AGO3: variants seen among roughly 807,000 people sequenced by gnomAD.
The protein encoded by AGO3 is argonaute RISC catalytic component 3.
A neutral mutation model predicts 105.5 loss-of-function variants in AGO3; 16 were observed. That is an observed-to-expected ratio of 0.15 (90% CI 0.10 to 0.23). The LOEUF (loss-of-function observed/expected upper bound fraction) is 0.23. Among genes scored for constraint, AGO3 ranks in the 10% least tolerant of loss-of-function variants. The pLI is 1.00. For synonymous variants in AGO3, 340 were observed against 367.3 expected, an observed-to-expected ratio of 0.93 and a Z score of 0.85; for missense variants, 534 against 1,088.0, an observed-to-expected ratio of 0.49 and a Z score of 7.16.
chr1:35,949,069 G>A (rs1417230899), intron 2 of AGO3, among the ~76,000 whole-genome samples: 1 of 151,888 alleles, frequency 6.6e-6, no homozygotes, highest in African/African-American at 2.4e-5. Flanking sequence ...TCAGCCTCCC[G>A]AGTAGCTGGA....
chr1:35,931,384 G>T lies in AGO3; in HGVS notation c.-43G>T. On this transcript the variant is annotated 5_prime_UTR_variant, in exon 1 of 19. Coordinates refer to ENST00000373191, the MANE Select transcript of AGO3 (RefSeq NM_024852.4). The stretch of plus-strand genomic sequence containing the variant: ...CCGGGCCGCCTCCTTGCCGCCAGTG[G>T]CGGGCTCCGTTCTCCCTCGAAGCAC... 7.2e-7 allele frequency: 1 copy of T among 1,394,200 alleles called. No homozygotes were observed. The allele number at this position is 1,394,200 out of a possible 1,614,324, so 86.4% of individuals were successfully genotyped here.
chr1:36,000,479 G>T (rs1252985439), intron 5 of AGO3, among the ~76,000 whole-genome samples: 1 of 152,126 alleles, frequency 6.6e-6, no homozygotes, highest in African/African-American at 2.4e-5. Flanking sequence ...TAGCATGTTT[G>T]TTTAGTAGTT....
At chr1:36,036,101 C>A in intron 13 of AGO3, 76 bp from the exon 14 acceptor site, 1 of 1,354,850 alleles carries the variant, frequency 7.4e-7, no homozygotes, top group Non-Finnish European at 1.0e-6. Flanking sequence ...CTTGAAGTTA[C>A]GTTGCAATTG....
intron 17 of AGO3, among the ~76,000 whole-genome samples, chr1:36,044,087 A>G (rs1216019124): frequency 1.3e-5 from 2 of 152,196 alleles, no homozygotes; most frequent in Non-Finnish European, 2.9e-5. Flanking sequence ...GCTCACGCCT[A>G]TAATTCCAAC....
intron 17 of AGO3, among the ~76,000 whole-genome samples, chr1:36,045,768 C>T (rs1249668313): frequency 6.6e-6 from 1 of 152,138 alleles, no homozygotes; most frequent in Non-Finnish European, 1.5e-5. Flanking sequence ...GTCTTGAACT[C>T]CTGACCTCCG....
At chr1:35,984,733 CAAAG>C (rs1264445198) in intron 5 of AGO3, among the ~76,000 whole-genome samples, 1 of 152,062 alleles carries the variant, frequency 6.6e-6, no homozygotes, top group Admixed American at 6.6e-5. Context: ...TCATATTAAA[CAAAG>C]AATGAATAAA....
chr1:35,984,815 G>A (rs1569613859), intron 5 of AGO3, among the ~76,000 whole-genome samples: 1 of 152,276 alleles, frequency 6.6e-6, no homozygotes, highest in East Asian at 1.9e-4. Flanking sequence ...ATTTGTAGTA[G>A]TATGTGATAT....
chr1:36,002,317 C>A (rs1569718989), intron 5 of AGO3, among the ~76,000 whole-genome samples: 1 of 144,004 alleles, frequency 6.9e-6, no homozygotes, highest in Non-Finnish European at 1.5e-5. Flanking sequence ...TGTACCCAGC[C>A]AAGATAATTT....
intron 5 of AGO3, among the ~76,000 whole-genome samples, chr1:35,995,364 C>T (rs1251681784): frequency 1.3e-5 from 2 of 151,744 alleles, no homozygotes; most frequent in Non-Finnish European, 2.9e-5. Context: ...TACCTGTGTT[C>T]AAGACGTGCT....
chr1:36,006,074 G>A (rs1640319653), intron 6 of AGO3, among the ~76,000 whole-genome samples: 1 of 149,754 alleles, frequency 6.7e-6, no homozygotes, highest in South Asian at 2.1e-4. Flanking sequence ...TTGACAAACT[G>A]ATTATTTTTT....
At chr1:35,932,635 C>T (rs1253825006) in intron 1 of AGO3, among the ~76,000 whole-genome samples, 3 of 151,206 alleles carry the variant, frequency 2.0e-5, no homozygotes, top group Non-Finnish European at 4.4e-5. Context: ...TTTTCCTGCT[C>T]CATTGTTTCG....
chr1:36,027,204 A>C lies in AGO3; in HGVS notation c.1497A>C (p.Ala499=). The change falls in exon 12 of 19, where the codon GCA becomes GCC. Residue 499 remains alanine, a synonymous_variant. Coordinates refer to ENST00000373191, the MANE Select transcript of AGO3 (RefSeq NM_024852.4). This position sits in a 1 kb window ranked among gnomAD's most constrained non-coding sequence, Gnocchi z 4.0. ...GCTTCTGCAAATATGCACAGGGGGC[A>C]GACAGCGTAGAGCCCATGTTCCGGC... is the stretch of plus-strand genomic sequence containing the variant. The part of the protein sequence containing the change: ...QPCFCKYAQG[A]DSVEPMFRHL... 6.2e-7 allele frequency: 1 copy of C among 1,614,258 alleles called. No homozygotes were observed. The highest frequency in any genetic ancestry group is 8.5e-7 in the Non-Finnish European group (1 of 1,180,048).
chr1:35,931,101 G>C (rs148583974), upstream of AGO3: 5 of 386,914 alleles, frequency 1.3e-5, no homozygotes, highest in Middle Eastern at 6.6e-4. Context: ...GGGCGGCCCC[G>C]GGCAGGTCGG....
chr1:35,956,893 C>G (rs1646576861), intron 2 of AGO3, among the ~76,000 whole-genome samples: 1 of 151,704 alleles, frequency 6.6e-6, no homozygotes, highest in African/African-American at 2.4e-5. Context: ...GGCAGTCCGC[C>G]CACCTCGGCC....
rs912967246 is a variant in AGO3 at position 36,057,356 on chromosome 1, G to A, written c.*1611G>A. 5 of 151,734 alleles carry A rather than the reference G, an allele frequency of 3.3e-5. No individual in the cohort carries two copies. The highest frequency in any genetic ancestry group is 1.2e-4 in the African/African-American group (5 of 41,346). The allele number at this position is 151,734 out of a possible 1,614,324, so 9.4% of individuals were successfully genotyped here. A position where few individuals can be genotyped will look rare whatever the true frequency, so the allele number is the denominator to read the frequency against. On this transcript the variant is annotated 3_prime_UTR_variant, in exon 19 of 19. Transcript: ENST00000373191. ...ATATTTTTTATATATATATATGTAT[G>A]TGTGTGTATATAAACACATATGTAT...
In AGO3 at chr1:36,043,636, A is replaced by AT. The variant is rs1642341983; in HGVS notation, c.2274+89dup. On this transcript the variant is annotated intron_variant, in intron 17 of 18. Transcript: ENST00000373191. ...TAAATCTCAGAAAAAGGATAAAGAA[A>AT]TACTCTTTGCATTCCAAATTGTTTC... The AT allele has an allele frequency of 1.2e-5, 13 of 1,102,094 alleles. No individual in the cohort carries two copies. The South Asian group carries it at 2.0e-4, about 17-fold the overall frequency. The allele number at this position is 1,102,094 out of a possible 1,614,324, so 68.3% of individuals were successfully genotyped here. A position where few individuals can be genotyped will look rare whatever the true frequency, so the allele number is the denominator to read the frequency against.
chr1:35,966,742 A>C lies in AGO3; in HGVS notation c.192-213A>C, dbSNP rs544288250. Among the ~76,000 whole-genome samples the C allele has an allele frequency of 2.6e-4, 39 of 152,318 alleles. No homozygotes were observed. In the South Asian group the frequency reaches 7.7e-3, roughly 30 times the overall value. On this transcript the variant is annotated intron_variant, in intron 2 of 18. Coordinates refer to ENST00000373191, the MANE Select transcript of AGO3 (RefSeq NM_024852.4). Reference sequence around the variant, plus strand: ...AATGATTAAGTAATATGCTCGCTTCATTCTTCTCTGTCTAGTGAAATGTAT... The same window carrying C: ...AATGATTAAGTAATATGCTCGCTTCCTTCTTCTCTGTCTAGTGAAATGTAT...
At chr1:35,958,794 T>G (rs1379992211) in intron 2 of AGO3, among the ~76,000 whole-genome samples, 1 of 152,206 alleles carries the variant, frequency 6.6e-6, no homozygotes, top group East Asian at 1.9e-4. Context: ...AAGTTAGAGA[T>G]TGGAAGGATA....
intron 11 of AGO3, among the ~76,000 whole-genome samples, chr1:36,021,893 TG>T (rs1410586663): frequency 6.6e-6 from 1 of 152,158 alleles, no homozygotes; most frequent in Non-Finnish European, 1.5e-5. Context: ...TCTTTTTTTT[TG>T]TGCAGTTTAC....
Sources: gnomAD v4.1 joint callset for allele counts (sites outside exome capture counted in the v4.1 genomes callset) on GRCh38, gnomAD v4.1.1 for gene constraint, Gnocchi (gnomAD v3.1) non-coding constraint, MANE v1.5 for transcripts, NCBI Gene and HGNC (gene_info 2026-07-23, HGNC 2026-07-21) for gene names.